PRKN: variants seen among roughly 807,000 people sequenced by gnomAD.
PRKN encodes E3 ubiquitin-protein ligase parkin.
PRKN carries 56 observed loss-of-function variants against 59.5 expected under a neutral mutation model. That is an observed-to-expected ratio of 0.94 (90% CI 0.76 to 1.18). PRKN has a LOEUF of 1.18. Ranked by LOEUF, PRKN falls within the 50% of genes most tolerant of loss-of-function variation. PRKN has a pLI of 0.00. For missense variants in PRKN, 657 were observed against 596.4 expected, an observed-to-expected ratio of 1.10 and a Z score of -1.06; for synonymous variants, 250 against 222.1, an observed-to-expected ratio of 1.13 and a Z score of -1.12.
chr6:162,644,358 A>C (rs2128225201), intron 1 of PRKN, among the ~76,000 whole-genome samples: 2 of 152,280 alleles, frequency 1.3e-5, no homozygotes, highest in South Asian at 4.1e-4. Flanking sequence ...TCAGGGTCAA[A>C]GGTTAACATG....
chr6:162,359,656 C>T (rs988723883), intron 2 of PRKN, among the ~76,000 whole-genome samples: 1 of 151,200 alleles, frequency 6.6e-6, no homozygotes, highest in Non-Finnish European at 1.5e-5. Context: ...GCAGCTAAAC[C>T]AGTATTTCCC....
chr6:162,230,255 G>A (rs768411384), intron 3 of PRKN, among the ~76,000 whole-genome samples: 2 of 152,218 alleles, frequency 1.3e-5, no homozygotes, highest in Non-Finnish European at 2.9e-5. Context: ...CAAATTAACT[G>A]TAAGTGTGTC....
intron 1 of PRKN, among the ~76,000 whole-genome samples, chr6:162,620,646 T>G (rs1157610426): frequency 6.6e-6 from 1 of 152,224 alleles, no homozygotes; most frequent in Non-Finnish European, 1.5e-5. Context: ...TATATTCAGC[T>G]ATCACTTCTC....
chr6:162,343,872 C>T lies in PRKN; in HGVS notation c.172-81107G>A, dbSNP rs191961872. On this transcript the variant is annotated intron_variant, in intron 2 of 11. Transcript: ENST00000366898. ...CTGCTAAAACCAACATATACAAAAA[C>T]GTTACTTATGAAATACTTTTGTAGA... Among the ~76,000 whole-genome samples the T allele has an allele frequency of 4.8e-3, 729 of 152,148 alleles. 3 individuals are homozygous for T. Among genetic ancestry groups the T allele is most frequent in the South Asian group, 0.016 (78 of 4,820 alleles).
At chr6:162,214,537 T>C (rs1777554035) in intron 3 of PRKN, among the ~76,000 whole-genome samples, 1 of 152,208 alleles carries the variant, frequency 6.6e-6, no homozygotes, top group South Asian at 2.1e-4. Flanking sequence ...TGTCCAGTGG[T>C]TATCCAAATT....
chr6:161,476,098 AATGGT>A (rs1791061276), intron 9 of PRKN, among the ~76,000 whole-genome samples: 1 of 151,192 alleles, frequency 6.6e-6, no homozygotes, highest in Non-Finnish European at 1.5e-5. Flanking sequence ...GAGGCCGGAG[AATGGT>A]GTGGACCCGG....
At position 161,575,786 on chromosome 6, in the gene PRKN, C is replaced by T. The variant is rs1177820186; in HGVS notation, c.872-6370G>A. Reference sequence around the variant, plus strand: ...ACGCTTTGAGGATTAATTTCTCTCTCGGCTATAGCTTAGAATCCCTAATGT... The same window carrying T: ...ACGCTTTGAGGATTAATTTCTCTCTTGGCTATAGCTTAGAATCCCTAATGT... On this transcript the variant is annotated intron_variant, in intron 7 of 11. Coordinates refer to ENST00000366898, the MANE Select transcript of PRKN (RefSeq NM_004562.3). This position sits in a 1 kb window ranked among gnomAD's most constrained non-coding sequence, Gnocchi z 4.6. 2.0e-5 allele frequency among the ~76,000 whole-genome samples: 3 copies of T among 152,298 alleles called. No individual in the cohort carries two copies. Among genetic ancestry groups the T allele is most frequent in the Admixed American group, 1.3e-4 (2 of 15,300 alleles).
chr6:162,611,681 A>C (rs539288811), intron 1 of PRKN, among the ~76,000 whole-genome samples: 18 of 152,222 alleles, frequency 1.2e-4, no homozygotes, highest in Non-Finnish European at 1.8e-4. Flanking sequence ...GGTGTGTGTC[A>C]CACTGAGAAA....
intron 7 of PRKN, among the ~76,000 whole-genome samples, chr6:161,587,642 A>T (rs2315323): frequency 0.25 from 37,719 of 151,132 alleles, 5,242 homozygotes; most frequent in East Asian, 0.62. Flanking sequence ...CTTTTTTTTT[A>T]AAAAAAAACT....
At chr6:162,114,115 T>C (rs2128303256) in intron 4 of PRKN, among the ~76,000 whole-genome samples, 2 of 151,844 alleles carry the variant, frequency 1.3e-5, no homozygotes, top group East Asian at 3.9e-4. Context: ...TTGGTTACTG[T>C]AGCCTTGTAG....
At position 161,484,454 on chromosome 6, in the gene PRKN, T is replaced by G. The variant is rs1367435642; in HGVS notation, c.1083+64400A>C. ...GTTACGTGTTAGGGAGCGTCCCAAG[T>G]GCTTAGTAAGCATCGATTAGTTTCA... On this transcript the variant is annotated intron_variant, in intron 9 of 11. Transcript: ENST00000366898. The surrounding 1 kb of genome is among the most constrained non-coding windows in gnomAD (Gnocchi z 4.9). Among the ~76,000 whole-genome samples the G allele has an allele frequency of 4.6e-5, 7 of 152,202 alleles. No homozygotes were observed. Among genetic ancestry groups the G allele is most frequent in the Non-Finnish European group, 1.0e-4 (7 of 68,046 alleles).
intron 3 of PRKN, among the ~76,000 whole-genome samples, chr6:162,227,065 G>A (rs1778213127): frequency 6.6e-6 from 1 of 152,216 alleles, no homozygotes; most frequent in South Asian, 2.1e-4. Context: ...AGCAGGAGGA[G>A]CACAATGGAT....
At chr6:162,090,014 C>T (rs558854788) in intron 4 of PRKN, among the ~76,000 whole-genome samples, 16 of 152,166 alleles carry the variant, frequency 1.1e-4, no homozygotes, top group African/African-American at 3.1e-4. Context: ...AAACTGTACA[C>T]GTAAAGATGG....
intron 10 of PRKN, among the ~76,000 whole-genome samples, chr6:161,367,474 T>TC (rs911360809): frequency 9.9e-5 from 15 of 151,782 alleles, no homozygotes; most frequent in African/African-American, 3.4e-4. Context: ...TCTTTTCTTT[T>TC]TTTTTTTTTT....
At chr6:162,357,480 T>C (rs1784924685) in intron 2 of PRKN, among the ~76,000 whole-genome samples, 1 of 152,204 alleles carries the variant, frequency 6.6e-6, no homozygotes, top group Non-Finnish European at 1.5e-5. Flanking sequence ...TTCAGAACAC[T>C]GAAAACAGCC....
intron 4 of PRKN, among the ~76,000 whole-genome samples, chr6:162,164,931 C>CA (rs1227336194): frequency 6.7e-6 from 1 of 148,668 alleles, no homozygotes; most frequent in African/African-American, 2.5e-5. Flanking sequence ...ATCTTTATGT[C>CA]AAAAAACCTA....
At chr6:162,716,786 GCA>G (rs67307025) in intron 1 of PRKN, among the ~76,000 whole-genome samples, 40,253 of 148,372 alleles carry the variant, frequency 0.27, 6,459 homozygotes, top group African/African-American at 0.45. Flanking sequence ...ACACACACGC[GCA>G]CACACACACA....
chr6:161,723,069 G>T (rs559422185), intron 7 of PRKN, among the ~76,000 whole-genome samples: 1 of 152,264 alleles, frequency 6.6e-6, no homozygotes, highest in East Asian at 1.9e-4. Context: ...AAGAGTTCGA[G>T]ACCAGCTTGA....
intron 1 of PRKN, among the ~76,000 whole-genome samples, chr6:162,652,764 G>A (rs1368095526): frequency 2.0e-5 from 3 of 151,732 alleles, no homozygotes; most frequent in East Asian, 1.9e-4. Flanking sequence ...ACAGCTGACT[G>A]ACACTTCCTC....
Sources: gnomAD v4.1 joint callset for allele counts (sites outside exome capture counted in the v4.1 genomes callset) on GRCh38, gnomAD v4.1.1 for gene constraint, Gnocchi (gnomAD v3.1) non-coding constraint, MANE v1.5 for transcripts, NCBI Gene and HGNC (gene_info 2026-07-23, HGNC 2026-07-21) for gene names.